The following USH2A variants were observed in gnomAD, a reference collection of about 807,000 sequenced individuals.
The protein encoded by USH2A is Usher syndrome 2A (autosomal recessive, mild).
A neutral mutation model predicts 538.9 loss-of-function variants in USH2A; 443 were observed. The observed-to-expected ratio is 0.82, with a 90% CI of 0.76 to 0.89. The LOEUF is 0.89. USH2A is among the 40% of genes least tolerant of loss of function. The pLI is 0.00. For synonymous variants in USH2A, 2,413 were observed against 2,273.5 expected, an observed-to-expected ratio of 1.06 and a Z score of -1.75; for missense variants, 6,633 against 6,324.8, an observed-to-expected ratio of 1.05 and a Z score of -1.65.
In USH2A at chr1:215,758,744, T is replaced by C; in HGVS notation, c.11240A>G (p.Tyr3747Cys). Residue 3747 changes from tyrosine (Y) to cysteine (C), a missense_variant, in exon 58 of 72, where the codon TAC becomes TGC. Transcript: ENST00000307340. ...ACCTCCAGTTTTGACTTCTAACTTG[T>C]AAGTGTATCTATATTTAAAAAGAAA... The part of the protein sequence containing the change: ...KNLEPNSRYT[Y>C]KLEVKTGGGS... 1 of 1,613,830 alleles carries C rather than the reference T, an allele frequency of 6.2e-7. No homozygotes were observed.
At chr1:215,894,267 G>A (rs1038505244) in intron 40 of USH2A, among the ~76,000 whole-genome samples, 1 of 152,144 alleles carries the variant, frequency 6.6e-6, no homozygotes, top group African/African-American at 2.4e-5. Context: ...AAAATATTCC[G>A]ATTTTCCTTG....
At chr1:215,953,113 C>T (rs1413153996) in intron 37 of USH2A, among the ~76,000 whole-genome samples, 1 of 152,020 alleles carries the variant, frequency 6.6e-6, no homozygotes, top group Non-Finnish European at 1.5e-5. Context: ...TAGGAAGAAT[C>T]AATATTGTGA....
chr1:216,149,223 G>A (rs960312714), intron 21 of USH2A, among the ~76,000 whole-genome samples: 10 of 152,114 alleles, frequency 6.6e-5, no homozygotes. Flanking sequence ...TACTGTTAGA[G>A]GCCCTCAAAA....
At chr1:216,420,136 A>G (rs1363884272) in intron 2 of USH2A, among the ~76,000 whole-genome samples, 1 of 151,768 alleles carries the variant, frequency 6.6e-6, no homozygotes, top group East Asian at 1.9e-4. Context: ...TTTTATCCCT[A>G]CCCATCAGGT....
At chr1:215,629,158 G>A in intron 70 of USH2A, 123 bp from the exon 71 acceptor site, 2 of 1,030,492 alleles carry the variant, frequency 1.9e-6, no homozygotes, top group Non-Finnish European at 3.0e-6. Flanking sequence ...TTGTCACATT[G>A]TCAATGAAGG....
chr1:216,251,141 T>C, intron 11 of USH2A, 43 bp from the exon 12 acceptor site: 1 of 1,596,200 alleles, frequency 6.3e-7, no homozygotes, highest in Non-Finnish European at 8.6e-7. Context: ...AACGTATCTA[T>C]TTTTAGATAA....
At chr1:215,757,984 T>G (rs1478119238) in intron 58 of USH2A, among the ~76,000 whole-genome samples, 1 of 152,118 alleles carries the variant, frequency 6.6e-6, no homozygotes, top group Non-Finnish European at 1.5e-5. Context: ...TGACTTGCAT[T>G]GGATATATAG....
intron 61 of USH2A, among the ~76,000 whole-genome samples, chr1:215,708,268 G>A (rs1184328840): frequency 6.6e-6 from 1 of 152,106 alleles, no homozygotes; most frequent in African/African-American, 2.4e-5. Context: ...CTCCCCACTA[G>A]AGTAAGAGCT....
intron 71 of USH2A, among the ~76,000 whole-genome samples, chr1:215,626,786 C>A (rs1658813505): frequency 6.6e-6 from 1 of 152,146 alleles, no homozygotes; most frequent in South Asian, 2.1e-4. Flanking sequence ...TCTCTCTAAA[C>A]CTCAGTTCTT....
At chr1:216,239,751 C>T (rs1286062086) in intron 13 of USH2A, among the ~76,000 whole-genome samples, 2 of 152,038 alleles carry the variant, frequency 1.3e-5, no homozygotes, top group Admixed American at 6.6e-5. Context: ...AGTCCAGGAA[C>T]AGAGGAAGGT....
chr1:215,964,719 G>T (rs905115957), intron 37 of USH2A, among the ~76,000 whole-genome samples: 1 of 152,138 alleles, frequency 6.6e-6, no homozygotes, highest in Non-Finnish European at 1.5e-5. Context: ...TTTTATGGTA[G>T]AGTTTGCTTA....
At chr1:216,163,307 T>G (rs1360086478) in intron 21 of USH2A, among the ~76,000 whole-genome samples, 2 of 152,040 alleles carry the variant, frequency 1.3e-5, no homozygotes, top group Non-Finnish European at 2.9e-5. Context: ...ACTTAAATTC[T>G]GAACATTTTC....
rs763422809 is a variant in USH2A at position 216,282,269 on chromosome 1, C to T, written c.1971+7011G>A. 1.8e-4 allele frequency among the ~76,000 whole-genome samples: 27 copies of T among 152,152 alleles called. No homozygotes were observed. In the East Asian group the frequency reaches 2.7e-3, roughly 15 times the overall value. On this transcript the variant is annotated intron_variant, in intron 11 of 71. Coordinates refer to ENST00000307340, the MANE Select transcript of USH2A (RefSeq NM_206933.4). ...CACATTTTATCTTCTGTTTCTTAGG[C>T]GTTTGGTGTCATATCTAAAAAGCCA... is the stretch of plus-strand genomic sequence containing the variant.
intron 21 of USH2A, among the ~76,000 whole-genome samples, chr1:216,166,243 A>G (rs2034167261): frequency 6.6e-6 from 1 of 152,066 alleles, no homozygotes; most frequent in South Asian, 2.1e-4. Context: ...GTACTTGCAA[A>G]TAGATGAGGG....
intron 68 of USH2A, 62 bp from the exon 69 acceptor site, chr1:215,639,300 G>T: frequency 6.6e-7 from 1 of 1,507,700 alleles, no homozygotes; most frequent in Non-Finnish European, 9.2e-7. Flanking sequence ...TAGGGCACAT[G>T]CTTTTAAAAG....
chr1:215,817,016 C>A lies in USH2A; in HGVS notation c.9551G>T (p.Cys3184Phe). The A allele has an allele frequency of 6.2e-7, 1 of 1,612,444 alleles. No individual in the cohort carries two copies. Among genetic ancestry groups the A allele is most frequent in the Non-Finnish European group, 8.5e-7 (1 of 1,178,832 alleles). ...QKPESICGHI[C>F]YSSEAKVCCN... ...ACTTACCTTAGCTTCAGAAGAATAG[C>A]AAATGTGTCCACAGATAGATTCAGG... The change falls in exon 48 of 72, where the codon TGC (cysteine) becomes TTC (phenylalanine). Residue 3184 changes from cysteine (C) to phenylalanine (F), a missense_variant. Coordinates refer to ENST00000307340, the MANE Select transcript of USH2A (RefSeq NM_206933.4).
At chr1:216,129,150 C>T (rs956400873) in intron 21 of USH2A, among the ~76,000 whole-genome samples, 1 of 151,950 alleles carries the variant, frequency 6.6e-6, no homozygotes, top group African/African-American at 2.4e-5. Flanking sequence ...ATTCATTCAT[C>T]CATTGATGGA....
intron 9 of USH2A, among the ~76,000 whole-genome samples, chr1:216,303,712 C>A (rs185922455): frequency 8.9e-4 from 135 of 152,008 alleles, no homozygotes; most frequent in African/African-American, 3.2e-3. Context: ...GAAGTCATCT[C>A]TATTTATTAT....
chr1:216,157,961 GA>G (rs1012792216), intron 21 of USH2A, among the ~76,000 whole-genome samples: 3 of 151,880 alleles, frequency 2.0e-5, no homozygotes, highest in African/African-American at 4.8e-5. Context: ...ATGTTAAAAT[GA>G]AAAAGAAGAA....
Sources: gnomAD v4.1 joint callset for allele counts (sites outside exome capture counted in the v4.1 genomes callset) on GRCh38, gnomAD v4.1.1 for gene constraint, MANE v1.5 for transcripts, NCBI Gene and HGNC (gene_info 2026-07-23, HGNC 2026-07-21) for gene names.